The following MFHAS1 variants were observed in gnomAD, a reference collection of about 807,000 sequenced individuals.
The protein encoded by MFHAS1 is multifunctional ROCO family signaling regulator 1, also known as malignant fibrous histiocytoma-amplified sequence 1.
A neutral mutation model predicts 70.4 loss-of-function variants in MFHAS1; 50 were observed. That is an observed-to-expected ratio of 0.71 (90% CI 0.57 to 0.90). MFHAS1 has a LOEUF of 0.90. Among genes scored for constraint, MFHAS1 ranks in the 40% least tolerant of loss-of-function variants. MFHAS1 has a pLI of 0.00. For synonymous variants in MFHAS1, 952 were observed against 620.0 expected (o/e 1.54, Z -7.96); for missense variants, 1,795 against 1,347.6 (o/e 1.33, Z -5.20).
At chr8:8,803,297 T>G (rs1479767831) in intron 1 of MFHAS1, among the ~76,000 whole-genome samples, 1 of 150,898 alleles carries the variant, frequency 6.6e-6, no homozygotes, top group African/African-American at 2.4e-5. Flanking sequence ...GGCAGATCAT[T>G]TGAGGTCAGG....
At chr8:8,849,064 C>CTTTTTTTTTTTTTTTTTTTTTTTTTTT in intron 1 of MFHAS1, among the ~76,000 whole-genome samples, 1 of 75,772 alleles carries the variant, frequency 1.3e-5, no homozygotes, top group Non-Finnish European at 2.4e-5. Context: ...TCCTTTTTAC[C>CTTTTTTTTTTTTTTTTTTTTTTTTTTT]TTTTTTTTTT....
intron 1 of MFHAS1, among the ~76,000 whole-genome samples, chr8:8,858,529 T>C (rs1203205258): frequency 1.3e-5 from 2 of 152,210 alleles, no homozygotes. Context: ...AAAACGATTA[T>C]GCAATGCTAT....
chr8:8,880,140 C>T lies in MFHAS1; in HGVS notation c.2998+9921G>A, dbSNP rs548428048. ...CTCTCATCCACACTAAGAGGATCCC[C>T]ACAACCGTGTCCAAGATCTCCAATC... On this transcript the variant is annotated intron_variant, in intron 1 of 2. Transcript: ENST00000276282. Among the ~76,000 whole-genome samples, 33 of 152,276 alleles carry T rather than the reference C, an allele frequency of 2.2e-4. No homozygotes were observed. The South Asian group carries it at 5.8e-3, about 27-fold the overall frequency.
rs768125322 is a variant in MFHAS1 at position 8,890,245 on chromosome 8, T to C, written c.2814A>G (p.Pro938=). ...CATGGCTAGCAATGGACAGGGTGTC[T>C]GGCTGCAGGACTCCCCTGGCAGGTC... ...SYRPARGVLQ[P]DTLSIASHAS... is the part of the protein sequence containing the mutation. The change falls in exon 1 of 3, where the codon CCA becomes CCG. Residue 938 remains proline, a synonymous_variant. Coordinates refer to ENST00000276282, the MANE Select transcript of MFHAS1 (RefSeq NM_004225.3). 6.2e-7 allele frequency: 1 copy of C among 1,614,162 alleles called. No homozygotes were observed. Among genetic ancestry groups the C allele is most frequent in the South Asian group, 1.1e-5 (1 of 91,082 alleles).
chr8:8,861,210 G>T (rs554829780), intron 1 of MFHAS1, among the ~76,000 whole-genome samples: 1 of 152,304 alleles, frequency 6.6e-6, no homozygotes, highest in East Asian at 1.9e-4. Flanking sequence ...AGAACACTCA[G>T]GCCTTGTGTC....
At chr8:8,869,498 A>C (rs1162484777) in intron 1 of MFHAS1, among the ~76,000 whole-genome samples, 2 of 152,072 alleles carry the variant, frequency 1.3e-5, no homozygotes, top group African/African-American at 2.4e-5. Context: ...AGACCCTTCC[A>C]AATTTAAGAA....
chr8:8,822,940 T>G (rs1239647508), intron 1 of MFHAS1, among the ~76,000 whole-genome samples: 1 of 151,954 alleles, frequency 6.6e-6, no homozygotes, highest in Non-Finnish European at 1.5e-5. Context: ...GGACAGGAGG[T>G]ACCGACAGGC....
rs758453977 is a variant in MFHAS1, at chr8:8,892,768, G to A, written c.291C>T (p.Asn97=). 2 of 1,582,342 alleles carry A rather than the reference G, an allele frequency of 1.3e-6. No individual in the cohort carries two copies. Among genetic ancestry groups the A allele is most frequent in the Non-Finnish European group, 8.6e-7 (1 of 1,165,548 alleles). Residue 97 remains asparagine, a synonymous_variant, in exon 1 of 3, where the codon AAC becomes AAT. Coordinates refer to ENST00000276282, the MANE Select transcript of MFHAS1 (RefSeq NM_004225.3). The surrounding 1 kb of genome is among the most constrained non-coding windows in gnomAD (Gnocchi z 4.7). The stretch of plus-strand genomic sequence containing the variant: ...CCGCCGGGGGCAGCCGGGCGAAGCG[G>A]TTCCTGCGCAGGACCAGGACGCGCA... The part of the protein sequence containing the change: ...GSLRVLVLRR[N]RFARLPPAVA...
chr8:8,888,557 G>A (rs1441617388), intron 1 of MFHAS1, among the ~76,000 whole-genome samples: 1 of 151,732 alleles, frequency 6.6e-6, no homozygotes, highest in Non-Finnish European at 1.5e-5. Context: ...GTTGTTTAAA[G>A]AACTACAAAG....
chr8:8,870,467 C>T (rs1471519716), intron 1 of MFHAS1, among the ~76,000 whole-genome samples: 1 of 151,918 alleles, frequency 6.6e-6, no homozygotes, highest in Admixed American at 6.6e-5. Flanking sequence ...CTCTGTCTCC[C>T]AGGAAAACAA....
chr8:8,823,267 A>G (rs1807033270), intron 1 of MFHAS1, among the ~76,000 whole-genome samples: 1 of 152,252 alleles, frequency 6.6e-6, no homozygotes, highest in African/African-American at 2.4e-5. Flanking sequence ...ATTATTATAA[A>G]AACAGCTTCT....
chr8:8,862,638 T>C (rs146031199), intron 1 of MFHAS1, among the ~76,000 whole-genome samples: 85 of 152,340 alleles, frequency 5.6e-4, no homozygotes, highest in African/African-American at 1.9e-3. Flanking sequence ...CGTATGATAC[T>C]ATAACGGTGG....
rs1005727991 is a variant in MFHAS1, at chr8:8,893,206, G to A, written c.-148C>T. 2 of 277,992 alleles carry A rather than the reference G, an allele frequency of 7.2e-6. No individual in the cohort carries two copies. The highest frequency in any genetic ancestry group is 1.5e-4 in the South Asian group (1 of 6,696). The allele number at this position is 277,992 out of a possible 1,614,324, so 17.2% of individuals were successfully genotyped here. ...GCGGGTCCTAGCGCAGCCAGCGGCC[G>A]AGCGCTGGCGGCTAGGGGGCGGCGG... On this transcript the variant is annotated 5_prime_UTR_variant, in exon 1 of 3. Coordinates refer to ENST00000276282, the MANE Select transcript of MFHAS1 (RefSeq NM_004225.3).
chr8:8,844,967 G>C (rs1368632118), intron 1 of MFHAS1, among the ~76,000 whole-genome samples: 1 of 152,188 alleles, frequency 6.6e-6, no homozygotes, highest in African/African-American at 2.4e-5. Flanking sequence ...AAGAACAAGA[G>C]CAACAAAAGA....
At chr8:8,854,695 AAAG>A (rs1365647946) in intron 1 of MFHAS1, among the ~76,000 whole-genome samples, 1 of 149,830 alleles carries the variant, frequency 6.7e-6, no homozygotes, top group Non-Finnish European at 1.5e-5. Context: ...AAAAAAAAAA[AAAG>A]GAAGAAAGAA....
chr8:8,805,135 C>G (rs1036740908), intron 1 of MFHAS1, among the ~76,000 whole-genome samples: 1 of 152,086 alleles, frequency 6.6e-6, no homozygotes, highest in Admixed American at 6.5e-5. Flanking sequence ...ATTTGGTAAA[C>G]GTTCAACCAC....
At chr8:8,796,092 A>T (rs753712701) in intron 2 of MFHAS1, among the ~76,000 whole-genome samples, 1 of 152,212 alleles carries the variant, frequency 6.6e-6, no homozygotes, top group Non-Finnish European at 1.5e-5. Flanking sequence ...AATACAAACA[A>T]AACAAAACGA....
Position 8,885,612 on chromosome 8 carries a change from C to T in MFHAS1, c.2998+4449G>A, listed in dbSNP as rs1459619818. Among the ~76,000 whole-genome samples the T allele has an allele frequency of 2.0e-5, 3 of 152,166 alleles. 1 individual carries two copies. The highest frequency in any genetic ancestry group is 1.5e-5 in the Non-Finnish European group (1 of 68,022). ...CTTGCTCTAAGACAAGTATACAGGA[C>T]CAACCAATGAGAAGGAAAACAGCAA... On this transcript the variant is annotated intron_variant, in intron 1 of 2. Coordinates refer to ENST00000276282, the MANE Select transcript of MFHAS1 (RefSeq NM_004225.3).
intron 1 of MFHAS1, among the ~76,000 whole-genome samples, chr8:8,865,263 T>TG (rs1331302972): frequency 1.8e-5 from 2 of 112,508 alleles, no homozygotes; most frequent in African/African-American, 7.2e-5. Flanking sequence ...GATGACAGAG[T>TG]GAGACTCCAT....
Sources: gnomAD v4.1 joint callset for allele counts (sites outside exome capture counted in the v4.1 genomes callset) on GRCh38, gnomAD v4.1.1 for gene constraint, Gnocchi (gnomAD v3.1) non-coding constraint, MANE v1.5 for transcripts, NCBI Gene and HGNC (gene_info 2026-07-23, HGNC 2026-07-21) for gene names.